The following PHTF1 variants were observed in gnomAD, a reference collection of about 807,000 sequenced individuals.
PHTF1 encodes protein PHTF1.
A neutral mutation model predicts 102.4 loss-of-function variants in PHTF1; 88 were observed. The observed-to-expected ratio is 0.86, with a 90% CI of 0.72 to 1.03. The LOEUF (loss-of-function observed/expected upper bound fraction) is 1.03. Among genes scored for constraint, PHTF1 ranks in the 50% least tolerant of loss-of-function variants. The pLI is 0.00. For synonymous variants in PHTF1, 289 were observed against 305.2 expected (o/e 0.95, Z 0.55); for missense variants, 814 against 909.5 (o/e 0.89, Z 1.35).
chr1:113,741,659 G>A (rs1472521257), intron 3 of PHTF1, among the ~76,000 whole-genome samples: 1 of 152,038 alleles, frequency 6.6e-6, no homozygotes, highest in Non-Finnish European at 1.5e-5. Flanking sequence ...CTTAGCAATA[G>A]AAACACATTT....
chr1:113,711,854 A>G lies in PHTF1; in HGVS notation c.958-19T>C. The G allele has an allele frequency of 6.2e-7, 1 of 1,609,702 alleles. No individual in the cohort carries two copies. Among genetic ancestry groups the G allele is most frequent in the Non-Finnish European group, 8.5e-7 (1 of 1,176,062 alleles). ...TCTTTACCTGCCAAAAATCAAACCA[A>G]CAAGCAATAGGAAAATATGTTAAAT... is the stretch of plus-strand genomic sequence containing the variant. On this transcript the variant is annotated intron_variant, in intron 9 of 18. Coordinates refer to ENST00000369604, the MANE Select transcript of PHTF1 (RefSeq NM_001323043.2).
rs368445019 is a variant in PHTF1 at position 113,745,024 on chromosome 1, AGGCAG to A, written c.103-6230_103-6226del. ...AGGGAGGGCAGGGCAGGAGAGGGCAAGGCAGGGCAGGGCAGGGCAGGGCAGGGCAA... is the reference window on the plus strand; with the variant it reads ...AGGGAGGGCAGGGCAGGAGAGGGCAAGGCAGGGCAGGGCAGGGCAGGGCAA... On this transcript the variant is annotated intron_variant, in intron 3 of 18. Coordinates refer to ENST00000369604, the MANE Select transcript of PHTF1 (RefSeq NM_001323043.2). Among the ~76,000 whole-genome samples, 400 of 149,078 alleles carry A rather than the reference AGGCAG, an allele frequency of 2.7e-3. 5 individuals are homozygous for A. The highest frequency in any genetic ancestry group is 6.3e-3 in the Admixed American group (94 of 14,932).
chr1:113,748,399 G>T (rs1353309307), intron 3 of PHTF1, among the ~76,000 whole-genome samples: 1 of 151,872 alleles, frequency 6.6e-6, no homozygotes, highest in Non-Finnish European at 1.5e-5. Flanking sequence ...CTATTAGTTG[G>T]ATATTACATT....
At chr1:113,699,673 T>C (rs1306790605) in intron 17 of PHTF1, 31 bp downstream of exon 17, 5 of 862,844 alleles carry the variant, frequency 5.8e-6, no homozygotes, top group Non-Finnish European at 9.6e-6. Context: ...ACTCAAATGA[T>C]AGTAAAAGTG....
intron 7 of PHTF1, among the ~76,000 whole-genome samples, chr1:113,717,188 C>T (rs1289003734): frequency 6.6e-6 from 1 of 151,652 alleles, no homozygotes; most frequent in Admixed American, 6.6e-5. Context: ...ATTTGCAAGC[C>T]TCAATGTAAC....
Position 113,711,959 on chromosome 1 carries a change from G to T in PHTF1, c.938C>A (p.Ser313Ter). 6.2e-7 allele frequency: 1 copy of T among 1,613,840 alleles called. No individual in the cohort carries two copies. The highest frequency in any genetic ancestry group is 1.7e-5 in the Admixed American group (1 of 60,018). Reference protein sequence around the residue: ...CEVKNRKSILSRHLNSQVKKT... With the variant: ...CEVKNRKSIL ...AATTACCTGAGAGTTTAGGTGCCTT[G>T]AAAGTATTGATTTTCTATTCTTAAC... Residue 313 changes from serine to a stop codon, truncating the protein, a stop_gained, in exon 9 of 19, where the codon TCA (serine) becomes TAA (stop). Coordinates refer to ENST00000369604, the MANE Select transcript of PHTF1 (RefSeq NM_001323043.2). LOFTEE classifies it high-confidence loss of function.
rs200855223 is a variant in PHTF1 at position 113,706,554 on chromosome 1, G to A, written c.1398+40C>T. On this transcript the variant is annotated intron_variant, in intron 12 of 18. Coordinates refer to ENST00000369604, the MANE Select transcript of PHTF1 (RefSeq NM_001323043.2). The stretch of plus-strand genomic sequence containing the variant: ...TTATAAAATAGCTCCTGATCACTTC[G>A]TATATTTTTTGAAAAATCTGAAAAC... 455 of 1,530,312 alleles carry A rather than the reference G, an allele frequency of 3.0e-4. 1 individual carries two copies. The highest frequency in any genetic ancestry group is 7.1e-4 in the African/African-American group (51 of 72,110). The allele number at this position is 1,530,312 out of a possible 1,614,324, so 94.8% of individuals were successfully genotyped here. A position where few individuals can be genotyped will look rare whatever the true frequency, so the allele number is the denominator to read the frequency against.
intron 11 of PHTF1, among the ~76,000 whole-genome samples, chr1:113,708,632 A>G (rs1012784004): frequency 6.8e-6 from 1 of 146,382 alleles, no homozygotes; most frequent in African/African-American, 2.5e-5. Flanking sequence ...GACTCCATCT[A>G]AAAAAAAAAA....
At chr1:113,745,769 T>C (rs1421944228) in intron 3 of PHTF1, among the ~76,000 whole-genome samples, 2 of 152,184 alleles carry the variant, frequency 1.3e-5, no homozygotes. Flanking sequence ...GATCTGTCAC[T>C]GTCTCCCATC....
chr1:113,744,182 G>C (rs1442756517), intron 3 of PHTF1, among the ~76,000 whole-genome samples: 1 of 152,174 alleles, frequency 6.6e-6, no homozygotes, highest in Non-Finnish European at 1.5e-5. Context: ...CAGATCCCCA[G>C]CTGTAGGCTG....
At chr1:113,758,231 CAAA>C (rs1162537319) in intron 2 of PHTF1, among the ~76,000 whole-genome samples, 10 of 58,210 alleles carry the variant, frequency 1.7e-4, no homozygotes, top group East Asian at 1.1e-3. Context: ...AACTCCGTCT[CAAA>C]AAAAAAAAAA....
chr1:113,699,552 C>A, intron 17 of PHTF1, 152 bp downstream of exon 17: 1 of 665,436 alleles, frequency 1.5e-6, no homozygotes. Flanking sequence ...TCCTAACCAC[C>A]ACTGTGACCC....
chr1:113,727,202 G>A (rs1315168372), intron 5 of PHTF1, among the ~76,000 whole-genome samples: 10 of 152,176 alleles, frequency 6.6e-5, no homozygotes, highest in South Asian at 2.1e-4. Context: ...ATTCCTGTGC[G>A]GAGAAAAAGA....
chr1:113,751,950 C>T (rs1658152937), intron 3 of PHTF1, among the ~76,000 whole-genome samples: 1 of 152,088 alleles, frequency 6.6e-6, no homozygotes, highest in South Asian at 2.1e-4. Context: ...GTAAATCTTC[C>T]AACACTATTC....
intron 6 of PHTF1, 62 bp from the exon 7 acceptor site, chr1:113,724,955 T>C (rs1653603255): frequency 8.3e-7 from 1 of 1,197,942 alleles, no homozygotes. Flanking sequence ...CTGCCAAAAA[T>C]ATCCCTACAG....
intron 7 of PHTF1, chr1:113,713,688 TGCAC>T: frequency 2.6e-6 from 1 of 385,420 alleles, no homozygotes; most frequent in South Asian, 2.8e-5. Context: ...TTTTCAGTGT[TGCAC>T]AAAAGTAGGT....
At chr1:113,702,676 A>G (rs1243170086) in intron 15 of PHTF1, among the ~76,000 whole-genome samples, 1 of 152,268 alleles carries the variant, frequency 6.6e-6, no homozygotes, top group South Asian at 2.1e-4. Context: ...ACGAATGAAC[A>G]AACACCAAGC....
At chr1:113,755,478 T>TA (rs1404127122) in intron 3 of PHTF1, among the ~76,000 whole-genome samples, 1 of 152,176 alleles carries the variant, frequency 6.6e-6, no homozygotes, top group Non-Finnish European at 1.5e-5. Flanking sequence ...TGTTTATAGT[T>TA]ATTTTACATT....
Position 113,713,388 on chromosome 1 carries a change from T to C in PHTF1, c.674A>G (p.Asp225Gly). Reference sequence around the variant, plus strand: ...AATGATAGGATGGACACAACTTGGGTCATTGTCAGTTTCAGTCCCTTTGTT... The same window carrying C: ...AATGATAGGATGGACACAACTTGGGCCATTGTCAGTTTCAGTCCCTTTGTT... ...ISNKGTETDN[D>G]PSCVHPIIKR... The change falls in exon 8 of 19, where the codon GAC becomes GGC. Residue 225 changes from aspartate (D) to glycine (G), a missense_variant. Transcript: ENST00000369604. 4 of 1,595,194 alleles carry C rather than the reference T, an allele frequency of 2.5e-6. No individual in the cohort carries two copies. Among genetic ancestry groups the C allele is most frequent in the Non-Finnish European group, 3.4e-6 (4 of 1,162,926 alleles).
Sources: allele counts gnomAD v4.1 joint callset (sites outside exome capture counted in the v4.1 genomes callset), GRCh38; gene constraint gnomAD v4.1.1; transcripts MANE v1.5; gene names NCBI Gene and HGNC (gene_info 2026-07-23, HGNC 2026-07-21).